PTPRT: variants seen among roughly 807,000 people sequenced by gnomAD.
The protein encoded by PTPRT is receptor-type tyrosine-protein phosphatase T.
A neutral mutation model predicts 176.8 loss-of-function variants in PTPRT; 56 were observed. That is an observed-to-expected ratio of 0.32 (90% confidence interval 0.26 to 0.40). The LOEUF is 0.40. Among genes scored for constraint, PTPRT ranks in the 10% least tolerant of loss-of-function variants. PTPRT has a pLI of 1.00. For synonymous variants in PTPRT, 783 were observed against 739.0 expected (o/e 1.06, Z -0.96); for missense variants, 1,540 against 1,908.2 (o/e 0.81, Z 3.60).
At chr20:43,040,445 C>T (rs1227319485) in intron 1 of PTPRT, among the ~76,000 whole-genome samples, 2 of 152,164 alleles carry the variant, frequency 1.3e-5, no homozygotes, top group African/African-American at 2.4e-5. Context: ...ACTTATAAAA[C>T]AATAAATATT....
At chr20:43,068,270 C>T (rs1325991517) in intron 1 of PTPRT, among the ~76,000 whole-genome samples, 4 of 149,004 alleles carry the variant, frequency 2.7e-5, no homozygotes, top group South Asian at 2.2e-4. Context: ...TTTGGGAGGC[C>T]GAGGCAGGCG....
intron 27 of PTPRT, among the ~76,000 whole-genome samples, chr20:42,091,249 G>A (rs889641408): frequency 3.3e-5 from 5 of 152,198 alleles, no homozygotes; most frequent in Admixed American, 3.3e-4. Flanking sequence ...TTTGGGCCAT[G>A]AAAAGATGTC....
intron 1 of PTPRT, among the ~76,000 whole-genome samples, chr20:43,025,030 C>T (rs1985854836): frequency 1.3e-5 from 2 of 152,232 alleles, no homozygotes; most frequent in Admixed American, 1.3e-4. Context: ...ATCTTTCCAA[C>T]ACCTTCCTTG....
At chr20:42,105,854 T>C (rs1986386984) in intron 24 of PTPRT, among the ~76,000 whole-genome samples, 1 of 152,194 alleles carries the variant, frequency 6.6e-6, no homozygotes, top group East Asian at 1.9e-4. Flanking sequence ...CTTTGCAGGA[T>C]TGATGATGTG....
intron 2 of PTPRT, among the ~76,000 whole-genome samples, chr20:42,871,857 G>A (rs917099574): frequency 6.6e-6 from 1 of 152,082 alleles, no homozygotes; most frequent in South Asian, 2.1e-4. Flanking sequence ...ACCTAGAATG[G>A]TTTCCGTTTT....
At chr20:42,129,055 A>G (rs576717203) in intron 18 of PTPRT, among the ~76,000 whole-genome samples, 7 of 152,254 alleles carry the variant, frequency 4.6e-5, no homozygotes, top group Admixed American at 2.6e-4. Context: ...TGATTTCGTC[A>G]TTACCTAACT....
intron 1 of PTPRT, among the ~76,000 whole-genome samples, chr20:43,082,227 A>G (rs1054513798): frequency 2.0e-5 from 3 of 152,092 alleles, no homozygotes; most frequent in Admixed American, 6.5e-5. Context: ...GAGATTAACC[A>G]TTTATTCTGT....
chr20:42,299,632 A>G (rs561413505), intron 12 of PTPRT, among the ~76,000 whole-genome samples: 1 of 119,282 alleles, frequency 8.4e-6, no homozygotes, highest in East Asian at 2.6e-4. Flanking sequence ...AGGTATCATG[A>G]ACTTTTGCCT....
At chr20:43,159,174 A>G (rs1459345907) in intron 1 of PTPRT, among the ~76,000 whole-genome samples, 1 of 152,222 alleles carries the variant, frequency 6.6e-6, no homozygotes, top group Non-Finnish European at 1.5e-5. Flanking sequence ...CCTGACATCC[A>G]GTGTAGAGTA....
chr20:42,577,222 G>T (rs1421501763), intron 7 of PTPRT, among the ~76,000 whole-genome samples: 3 of 152,154 alleles, frequency 2.0e-5, no homozygotes, highest in Non-Finnish European at 2.9e-5. Flanking sequence ...TACAAAATTG[G>T]ATCACAGAAG....
intron 7 of PTPRT, among the ~76,000 whole-genome samples, chr20:42,567,038 G>A (rs996809443): frequency 4.6e-5 from 7 of 152,212 alleles, no homozygotes; most frequent in East Asian, 1.9e-4. Flanking sequence ...TTGGGAGGCC[G>A]AGGCAGGTGG....
At chr20:42,896,550 G>A (rs1196569754) in intron 1 of PTPRT, among the ~76,000 whole-genome samples, 1 of 150,490 alleles carries the variant, frequency 6.6e-6, no homozygotes, top group Non-Finnish European at 1.5e-5. Flanking sequence ...CAGGAGAATC[G>A]CTTGAACCTG....
At position 43,027,998 on chromosome 20, in the gene PTPRT, C is replaced by T. The variant is rs536889118; in HGVS notation, c.89-142066G>A. Among the ~76,000 whole-genome samples, 26 of 152,282 alleles carry T rather than the reference C, an allele frequency of 1.7e-4. No individual in the cohort carries two copies. The East Asian group carries it at 2.7e-3, about 16-fold the overall frequency. ...AGAAACACTTATTTCTCTGTTGAAGCGAAAGACCCTTCCCTGATACAGGCC... is the reference window on the plus strand; with the variant it reads ...AGAAACACTTATTTCTCTGTTGAAGTGAAAGACCCTTCCCTGATACAGGCC... On this transcript the variant is annotated intron_variant, in intron 1 of 30. Coordinates refer to ENST00000373187, the MANE Select transcript of PTPRT (RefSeq NM_007050.6).
chr20:42,590,094 T>C (rs1277322185), intron 7 of PTPRT, among the ~76,000 whole-genome samples: 2 of 152,098 alleles, frequency 1.3e-5, no homozygotes, highest in African/African-American at 4.8e-5. Context: ...AAGCTTTTGC[T>C]CTTGGAGCCC....
At chr20:42,780,142 T>C (rs1341151100) in intron 4 of PTPRT, 76 bp downstream of exon 4, 2 of 1,150,960 alleles carry the variant, frequency 1.7e-6, no homozygotes, top group Admixed American at 1.7e-5. Flanking sequence ...GCTGAATGAA[T>C]GGAAGGGATT....
At chr20:42,846,440 T>C (rs1160155748) in intron 2 of PTPRT, among the ~76,000 whole-genome samples, 4 of 152,150 alleles carry the variant, frequency 2.6e-5, no homozygotes, top group Non-Finnish European at 5.9e-5. Flanking sequence ...ACTGGCCCCA[T>C]CTGTACCAGA....
intron 9 of PTPRT, among the ~76,000 whole-genome samples, chr20:42,385,638 G>A (rs1201517222): frequency 6.6e-6 from 1 of 152,186 alleles, no homozygotes; most frequent in Non-Finnish European, 1.5e-5. Context: ...AGAAAAAGAG[G>A]TTTAATGGAC....
At chr20:42,508,513 C>T (rs1012459030) in intron 7 of PTPRT, among the ~76,000 whole-genome samples, 2 of 152,072 alleles carry the variant, frequency 1.3e-5, no homozygotes, top group African/African-American at 4.8e-5. Context: ...AAAGTAATTA[C>T]ATTTAACAAA....
intron 7 of PTPRT, among the ~76,000 whole-genome samples, chr20:42,514,738 T>C (rs778464862): frequency 4.6e-5 from 7 of 152,212 alleles, no homozygotes; most frequent in Non-Finnish European, 8.8e-5. Flanking sequence ...TCATCAAAAA[T>C]TGATTCTGTG....
Sources: gnomAD v4.1 joint callset for allele counts (sites outside exome capture counted in the v4.1 genomes callset) on GRCh38, gnomAD v4.1.1 for gene constraint, MANE v1.5 for transcripts, NCBI Gene and HGNC (gene_info 2026-07-23, HGNC 2026-07-21) for gene names.